PRR5L: variants seen among roughly 807,000 people sequenced by gnomAD.
PRR5L encodes proline-rich protein 5-like.
PRR5L carries 21 observed loss-of-function variants against 36.4 expected under a neutral mutation model. The observed-to-expected ratio is 0.58, with a 90% CI of 0.41 to 0.83. The LOEUF is 0.83. PRR5L is among the 40% of genes least tolerant of loss of function. The probability of loss-of-function intolerance (pLI) is 0.00; values close to 1 mark genes in which losing one functional copy is unlikely to be tolerated. For missense variants in PRR5L, 381 were observed against 473.3 expected (o/e 0.80, Z 1.81); for synonymous variants, 188 against 197.0 (o/e 0.95, Z 0.38).
intron 1 of PRR5L, among the ~76,000 whole-genome samples, chr11:36,314,762 G>T (rs73443135): frequency 0.12 from 17,543 of 152,118 alleles, 1,048 homozygotes; most frequent in Non-Finnish European, 0.12. Context: ...TTCCTTAAGG[G>T]GTCTCAAAGC....
At chr11:36,416,248 T>G (rs1343828531) in intron 3 of PRR5L, among the ~76,000 whole-genome samples, 2 of 152,198 alleles carry the variant, frequency 1.3e-5, no homozygotes, top group Non-Finnish European at 2.9e-5. Flanking sequence ...GAAGGCAGGA[T>G]TTTGTAAGGG....
chr11:36,397,953 G>A (rs1857703569), intron 1 of PRR5L, among the ~76,000 whole-genome samples: 1 of 151,922 alleles, frequency 6.6e-6, no homozygotes, highest in Non-Finnish European at 1.5e-5. Flanking sequence ...GCGCCCCCAT[G>A]CCCGGCTCAT....
At chr11:36,400,817 C>A (rs1355707532) in intron 1 of PRR5L, among the ~76,000 whole-genome samples, 180 bp from the exon 2 acceptor site, 1 of 152,176 alleles carries the variant, frequency 6.6e-6, no homozygotes, top group Non-Finnish European at 1.5e-5. Context: ...GGTGACCACA[C>A]TGTTACAACC....
At chr11:36,311,576 T>C (rs1352810610) in intron 1 of PRR5L, among the ~76,000 whole-genome samples, 4 of 152,234 alleles carry the variant, frequency 2.6e-5, no homozygotes, top group African/African-American at 9.6e-5. Context: ...GCACTAATGC[T>C]CTATGTATGG....
intron 4 of PRR5L, among the ~76,000 whole-genome samples, chr11:36,429,680 G>A (rs982807603): frequency 6.6e-6 from 1 of 152,192 alleles, no homozygotes; most frequent in African/African-American, 2.4e-5. Context: ...GATGTGCTGA[G>A]AAGAATGACA....
intron 1 of PRR5L, among the ~76,000 whole-genome samples, chr11:36,339,566 C>T (rs1186305453): frequency 6.6e-6 from 1 of 152,158 alleles, no homozygotes; most frequent in Non-Finnish European, 1.5e-5. Flanking sequence ...CATTTCATTT[C>T]TTTCTTTTGA....
At chr11:36,453,187 G>A (rs115360197) in intron 8 of PRR5L, among the ~76,000 whole-genome samples, 1,798 of 152,288 alleles carry the variant, frequency 0.012, 38 homozygotes, top group African/African-American at 0.041. Flanking sequence ...GAAGTGGGAT[G>A]GGATACCGTT....
At chr11:36,306,275 C>T (rs1856430691) in intron 1 of PRR5L, among the ~76,000 whole-genome samples, 1 of 152,146 alleles carries the variant, frequency 6.6e-6, no homozygotes, top group Admixed American at 6.5e-5. Context: ...GTTCCCTGCC[C>T]TGTGTCCAAG....
intron 3 of PRR5L, among the ~76,000 whole-genome samples, chr11:36,410,452 C>T (rs1858000679): frequency 6.6e-6 from 1 of 152,142 alleles, no homozygotes; most frequent in Non-Finnish European, 1.5e-5. Context: ...ATTAGGTTGG[C>T]CTCCATTTGA....
chr11:36,411,460 AT>A (rs138067737), intron 3 of PRR5L, among the ~76,000 whole-genome samples: 2 of 151,942 alleles, frequency 1.3e-5, no homozygotes, highest in Admixed American at 1.3e-4. Context: ...GTGCTTCCCC[AT>A]TTTTTCCCCC....
chr11:36,440,020 T>C (rs1403054205), intron 6 of PRR5L, among the ~76,000 whole-genome samples: 1 of 152,160 alleles, frequency 6.6e-6, no homozygotes, highest in Non-Finnish European at 1.5e-5. Flanking sequence ...GATGGCTAAG[T>C]CCTGGTAACA....
At chr11:36,421,986 A>G (rs1194916616) in intron 4 of PRR5L, among the ~76,000 whole-genome samples, 1 of 152,168 alleles carries the variant, frequency 6.6e-6, no homozygotes, top group African/African-American at 2.4e-5. Flanking sequence ...GTTCCATTCC[A>G]CTTAGTGTAA....
intron 1 of PRR5L, among the ~76,000 whole-genome samples, chr11:36,309,694 G>A (rs1477004801): frequency 1.5e-5 from 2 of 135,248 alleles, no homozygotes; most frequent in Non-Finnish European, 1.6e-5. Context: ...CTCCAAAAAT[G>A]TTTCCTTGTC....
chr11:36,421,523 T>A (rs1858265369), intron 4 of PRR5L, among the ~76,000 whole-genome samples: 1 of 152,234 alleles, frequency 6.6e-6, no homozygotes, highest in Non-Finnish European at 1.5e-5. Context: ...AAGGCTCTCC[T>A]AGATACAGTT....
intron 1 of PRR5L, among the ~76,000 whole-genome samples, chr11:36,343,185 C>A (rs1856832989): frequency 6.6e-6 from 1 of 152,044 alleles, no homozygotes; most frequent in Admixed American, 6.6e-5. Context: ...CCATGTTGAT[C>A]AGAAATGCAT....
At chr11:36,393,644 G>C (rs1362166727) in intron 1 of PRR5L, among the ~76,000 whole-genome samples, 1 of 152,138 alleles carries the variant, frequency 6.6e-6, no homozygotes, top group South Asian at 2.1e-4. Context: ...TTGCTCTGGA[G>C]ACTTTGGCAA....
At chr11:36,436,303 G>T (rs1459112753) in intron 5 of PRR5L, among the ~76,000 whole-genome samples, 1 of 152,254 alleles carries the variant, frequency 6.6e-6, no homozygotes, top group Non-Finnish European at 1.5e-5. Context: ...CAGAGGCAGT[G>T]ACCAATATCA....
chr11:36,372,908 A>G (rs1284001034), intron 1 of PRR5L, among the ~76,000 whole-genome samples: 1 of 152,148 alleles, frequency 6.6e-6, no homozygotes, highest in Non-Finnish European at 1.5e-5. Context: ...GCCCACAGCC[A>G]GTGTGCAGCT....
chr11:36,366,978 A>T (rs1857151031), intron 1 of PRR5L, among the ~76,000 whole-genome samples: 2 of 152,040 alleles, frequency 1.3e-5, no homozygotes, highest in Admixed American at 1.3e-4. Context: ...TCCTTATTCC[A>T]TTCGCCTTTC....
Sources: gnomAD v4.1 joint callset for allele counts (sites outside exome capture counted in the v4.1 genomes callset) on GRCh38, gnomAD v4.1.1 for gene constraint, MANE v1.5 for transcripts, NCBI Gene and HGNC (gene_info 2026-07-23, HGNC 2026-07-21) for gene names.